The following SNTA1 variants were observed in gnomAD, a reference collection of about 807,000 sequenced individuals.
SNTA1 encodes syntrophin alpha 1, also known as alpha-1-syntrophin.
A neutral mutation model predicts 47.1 loss-of-function variants in SNTA1; 31 were observed. The observed-to-expected ratio is 0.66, with a 90% CI of 0.49 to 0.89. SNTA1 has a LOEUF of 0.89. Ranked by LOEUF, SNTA1 falls within the 40% of genes least tolerant of loss-of-function variation. The pLI is 0.00. For missense variants in SNTA1, 575 were observed against 693.0 expected (o/e 0.83, Z 1.91); for synonymous variants, 300 against 313.6 (o/e 0.96, Z 0.46).
intron 2 of SNTA1, among the ~76,000 whole-genome samples, chr20:33,430,422 G>A (rs547473055): frequency 3.2e-4 from 49 of 150,982 alleles, no homozygotes; most frequent in African/African-American, 1.1e-3. Context: ...CTGAGTAGCT[G>A]GGACTACAGG....
At chr20:33,420,364 A>G (rs1308392446) in intron 2 of SNTA1, among the ~76,000 whole-genome samples, 1 of 152,188 alleles carries the variant, frequency 6.6e-6, no homozygotes, top group African/African-American at 2.4e-5. Context: ...GTTCGGGAGG[A>G]TAACACATTT....
chr20:33,424,159 A>C (rs112118520), intron 2 of SNTA1, among the ~76,000 whole-genome samples: 6,688 of 152,026 alleles, frequency 0.044, 215 homozygotes, highest in Middle Eastern at 0.088. Context: ...TACTAAAAAT[A>C]CAAAATTAGC....
intron 6 of SNTA1, among the ~76,000 whole-genome samples, 162 bp downstream of exon 6, chr20:33,409,973 C>A (rs1989698188): frequency 6.6e-6 from 1 of 152,152 alleles, no homozygotes; most frequent in Non-Finnish European, 1.5e-5. Context: ...GCCATGTTTG[C>A]CAGACTGGTC....
chr20:33,421,509 G>GCTACTCCT (rs1203010770), intron 2 of SNTA1, among the ~76,000 whole-genome samples: 4 of 152,166 alleles, frequency 2.6e-5, no homozygotes, highest in Non-Finnish European at 4.4e-5. Flanking sequence ...CTACTCAGGA[G>GCTACTCCT]GCTGAGGCAG....
chr20:33,412,666 G>A lies in SNTA1; in HGVS notation c.818C>T (p.Pro273Leu), dbSNP rs767797875. ...TGCCTGCAGCTCATCCTTGACCCGC[G>A]GCGTCAGAGTATTGACCTGGGCTTG... Reference protein sequence around the residue: ...AIQAQVNTLTPRVKDELQALL... With the variant: ...AIQAQVNTLTLRVKDELQALL... The change falls in exon 4 of 8, where the codon CCG becomes CTG. Residue 273 changes from proline (P) to leucine (L), a missense_variant. By Grantham distance (98) the Pro-to-Leu change is moderately conservative. Transcript: ENST00000217381. The A allele has an allele frequency of 7.4e-6, 12 of 1,613,774 alleles. No individual in the cohort carries two copies. The highest frequency in any genetic ancestry group is 1.6e-4 in the Middle Eastern group (1 of 6,084).
rs778532778 is a variant in SNTA1 at position 33,408,607 on chromosome 20, G to A, written c.1426-8C>T. On this transcript the variant is annotated splice_polypyrimidine_tract_variant and splice_region_variant and intron_variant, in intron 7 of 7. Transcript: ENST00000217381. The stretch of plus-strand genomic sequence containing the variant: ...CGAGTGCAGGTCCAGCTGCTGGAGG[G>A]TGGATGGAGAGAAGAGTCAGGGCCC... 1.5e-5 allele frequency: 25 copies of A among 1,613,338 alleles called. No homozygotes were observed. Among genetic ancestry groups the A allele is most frequent in the Non-Finnish European group, 2.1e-5 (25 of 1,179,258 alleles).
intron 4 of SNTA1, 42 bp downstream of exon 4, chr20:33,412,533 A>G (rs940405644): frequency 3.7e-6 from 6 of 1,606,240 alleles, no homozygotes; most frequent in Non-Finnish European, 4.3e-6. Context: ...GCTCCAAAGG[A>G]GCGGAAGAGA....
intron 2 of SNTA1, among the ~76,000 whole-genome samples, chr20:33,433,733 G>A (rs1471486953): frequency 1.3e-5 from 2 of 152,142 alleles, no homozygotes; most frequent in Admixed American, 6.6e-5. Context: ...CACACACAAC[G>A]GGCCTCTCGA....
chr20:33,435,138 G>A (rs1410722473), intron 2 of SNTA1, among the ~76,000 whole-genome samples: 3 of 151,124 alleles, frequency 2.0e-5, no homozygotes, highest in Middle Eastern at 3.4e-3. Flanking sequence ...TTACAGGCAC[G>A]CGCCACCATG....
chr20:33,415,317 A>G (rs898793163), intron 3 of SNTA1, among the ~76,000 whole-genome samples: 3 of 152,226 alleles, frequency 2.0e-5, no homozygotes, highest in Non-Finnish European at 4.4e-5. Context: ...CTAAGGTTCT[A>G]TGAGTCTCTA....
At chr20:33,429,871 T>C (rs1188081210) in intron 2 of SNTA1, among the ~76,000 whole-genome samples, 1 of 152,170 alleles carries the variant, frequency 6.6e-6, no homozygotes, top group Non-Finnish European at 1.5e-5. Flanking sequence ...CAAATGATCC[T>C]TCAGCCTCAG....
intron 2 of SNTA1, among the ~76,000 whole-genome samples, chr20:33,435,189 G>A (rs973365741): frequency 2.7e-5 from 4 of 147,900 alleles, no homozygotes; most frequent in African/African-American, 7.4e-5. Context: ...ACGGGGTTTC[G>A]CCATGTTGGC....
At chr20:33,442,109 G>A (rs1487311447) in intron 1 of SNTA1, among the ~76,000 whole-genome samples, 1 of 152,118 alleles carries the variant, frequency 6.6e-6, no homozygotes, top group African/African-American at 2.4e-5. Flanking sequence ...CTGAGTCTCA[G>A]TTTCTTCACC....
At position 33,417,882 on chromosome 20, in the gene SNTA1, T is replaced by C. The variant is rs747367304; in HGVS notation, c.538A>G (p.Thr180Ala). The change falls in exon 3 of 8, where the codon ACT becomes GCT. Residue 180 changes from threonine (T) to alanine (A), a missense_variant. Physicochemically the swap from Thr to Ala is moderately conservative, Grantham distance 58. Transcript: ENST00000217381. ...KDVSPYFKNS[T>A]GGTSVGWDSP... ...TCCCAGCCGACCGAGGTCCCACCAG[T>C]AGAGTTCTTGAAATACGGTGAGACG... is the stretch of plus-strand genomic sequence containing the variant. 6 of 1,614,072 alleles carry C rather than the reference T, an allele frequency of 3.7e-6. No homozygotes were observed. The East Asian group carries it at 1.3e-4, about 36-fold the overall frequency.
chr20:33,414,328 C>G (rs1477397972), intron 3 of SNTA1, among the ~76,000 whole-genome samples: 2 of 149,896 alleles, frequency 1.3e-5, no homozygotes, highest in South Asian at 4.2e-4. Context: ...CATGGTGGCT[C>G]ACACCTGTAA....
chr20:33,417,010 G>A (rs1248331449), intron 3 of SNTA1, among the ~76,000 whole-genome samples: 1 of 151,592 alleles, frequency 6.6e-6, no homozygotes, highest in African/African-American at 2.4e-5. Context: ...CTACTTAGGA[G>A]GCTAAGGCAG....
At chr20:33,424,589 CTGCAGTCT>C (rs1223593102) in intron 2 of SNTA1, among the ~76,000 whole-genome samples, 1 of 151,940 alleles carries the variant, frequency 6.6e-6, no homozygotes, top group Non-Finnish European at 1.5e-5. Context: ...TCACAGCTCA[CTGCAGTCT>C]TGACCTCCTA....
In SNTA1 at chr20:33,412,707, C is replaced by T. The variant is rs1202456575; in HGVS notation, c.777G>A (p.Ser259=). 5 of 1,613,658 alleles carry T rather than the reference C, an allele frequency of 3.1e-6. No individual in the cohort carries two copies. Among genetic ancestry groups the T allele is most frequent in the Admixed American group, 1.7e-5 (1 of 60,006 alleles). Residue 259 remains serine, a synonymous_variant, in exon 4 of 8, where the codon TCG becomes TCA. Transcript: ENST00000217381. ...CCTGGGCTTGGATGGCAGTCGCCCACGACCTCGCACTAGCCTCATCCTTGG... is the reference window on the plus strand; with the variant it reads ...CCTGGGCTTGGATGGCAGTCGCCCATGACCTCGCACTAGCCTCATCCTTGG... ...LRAKDEASAR[S]WATAIQAQVN... is the part of the protein sequence containing the mutation.
Position 33,443,445 on chromosome 20 carries a change from T to C in SNTA1, c.176A>G (p.Gln59Arg). The C allele has an allele frequency of 1.5e-6, 2 of 1,359,816 alleles. No homozygotes were observed. Among genetic ancestry groups the C allele is most frequent in the Non-Finnish European group, 1.9e-6 (2 of 1,055,412 alleles). 84.2% of individuals were successfully genotyped at this position (1,359,816 alleles called of 1,614,324 possible). A position where few individuals can be genotyped will look rare whatever the true frequency, so the allele number is the denominator to read the frequency against. ...GGCGCCGTTGAGCTGCGCGGGCTCC[T>C]GCTCCCGCGGAGCGCCGGGCTCGGG... ...PGPEPGAPRE[Q>R]EPAQLNGAAE... is the part of the protein sequence containing the mutation. Residue 59 changes from glutamine to arginine, a missense_variant, in exon 1 of 8, where the codon CAG (glutamine) becomes CGG (arginine). Gln to Arg is a conservative substitution (Grantham distance 43, BLOSUM62 1). Transcript: ENST00000217381.
Sources: allele counts gnomAD v4.1 joint callset (sites outside exome capture counted in the v4.1 genomes callset), GRCh38; gene constraint gnomAD v4.1.1; transcripts MANE v1.5; gene names NCBI Gene and HGNC (gene_info 2026-07-23, HGNC 2026-07-21).